The following RGS10 variants were observed in gnomAD, a reference collection of about 807,000 sequenced individuals.
The protein encoded by RGS10 is regulator of G-protein signalling 10.
Under a neutral mutation model 23.5 loss-of-function variants are expected in RGS10, and 11 were observed. That is an observed-to-expected ratio of 0.47 (90% CI 0.29 to 0.77). RGS10 has a LOEUF of 0.77. Among genes scored for constraint, RGS10 ranks in the 30% least tolerant of loss-of-function variants. The pLI is 0.08. For missense variants in RGS10, 180 were observed against 226.3 expected (o/e 0.80, Z 1.31); for synonymous variants, 77 against 83.2 (o/e 0.92, Z 0.41).
At chr10:119,507,242 C>T (rs1844024210) in intron 4 of RGS10, among the ~76,000 whole-genome samples, 1 of 152,138 alleles carries the variant, frequency 6.6e-6, no homozygotes, top group South Asian at 2.1e-4. Context: ...CATCCTAAGT[C>T]CCTGGCTCTG....
At position 119,524,749 on chromosome 10, in the gene RGS10, G is replaced by T. The variant is rs1350414603; in HGVS notation, c.255+1283C>A. Among the ~76,000 whole-genome samples the T allele has an allele frequency of 6.6e-6, 1 of 152,086 alleles. No homozygotes were observed. Among genetic ancestry groups the T allele is most frequent in the Non-Finnish European group, 1.5e-5 (1 of 68,024 alleles). ...AAAAAGCCAGAAAGCAAAATCCAAG[G>T]GTCCCGCCCAGTAACAGCTTTCGAG... On this transcript the variant is annotated intron_variant, in intron 3 of 4. Transcript: ENST00000369103. The surrounding 1 kb of genome is among the most constrained non-coding windows in gnomAD (Gnocchi z 5.2).
At chr10:119,525,520 C>T (rs566336595) in intron 3 of RGS10, among the ~76,000 whole-genome samples, 42 of 152,300 alleles carry the variant, frequency 2.8e-4, no homozygotes, top group African/African-American at 9.4e-4. Context: ...TCCCTCATAC[C>T]CAACCAGCTG....
intron 3 of RGS10, among the ~76,000 whole-genome samples, chr10:119,521,963 T>C (rs1043424362): frequency 6.6e-5 from 10 of 152,164 alleles, no homozygotes; most frequent in Admixed American, 6.5e-4. Context: ...TGTTTTGGGC[T>C]CTTCTCTCAT....
chr10:119,535,170 C>T (rs1844374479), intron 1 of RGS10, among the ~76,000 whole-genome samples: 1 of 151,160 alleles, frequency 6.6e-6, no homozygotes, highest in Middle Eastern at 3.4e-3. Flanking sequence ...ATCTGCTGAT[C>T]TTTATACTCA....
chr10:119,535,722 GT>G, intron 1 of RGS10, among the ~76,000 whole-genome samples: 1 of 152,222 alleles, frequency 6.6e-6, no homozygotes, highest in South Asian at 2.1e-4. Flanking sequence ...TCCTCAGAAG[GT>G]TTGTCCTAAG....
rs1844022400 is a variant in RGS10, at chr10:119,507,050, GC to G, written c.400-6792del. On this transcript the variant is annotated intron_variant, in intron 4 of 4. Coordinates refer to ENST00000369103, the MANE Select transcript of RGS10 (RefSeq NM_001005339.2). ...AACATCTCAAAGTATCTCGAATACTGCCCTTCCCATCCTGACCCTCGTGAGG... is the reference window on the plus strand; with the variant it reads ...AACATCTCAAAGTATCTCGAATACTGCCTTCCCATCCTGACCCTCGTGAGG... Among the ~76,000 whole-genome samples, 3 of 152,138 alleles carry G rather than the reference GC, an allele frequency of 2.0e-5. No individual in the cohort carries two copies. The South Asian group carries it at 6.2e-4, about 32-fold the overall frequency.
chr10:119,514,735 C>T (rs898519362), intron 4 of RGS10, among the ~76,000 whole-genome samples: 1 of 151,922 alleles, frequency 6.6e-6, no homozygotes, highest in East Asian at 1.9e-4. Context: ...CTGAGAATAC[C>T]TAGAGCACAG....
chr10:119,536,237 A>C (rs530545667), intron 1 of RGS10, among the ~76,000 whole-genome samples: 1 of 152,202 alleles, frequency 6.6e-6, no homozygotes, highest in East Asian at 1.9e-4. Flanking sequence ...CCAAGTCAGG[A>C]GCAGGAAAGC....
In RGS10 at chr10:119,524,095, G is replaced by A. The variant is rs12218416; in HGVS notation, c.255+1937C>T. Among the ~76,000 whole-genome samples the A allele has an allele frequency of 0.085, 12,937 of 152,044 alleles. 847 individuals carry two copies. Among genetic ancestry groups the A allele is most frequent in the African/African-American group, 0.18 (7,345 of 41,420 alleles). On this transcript the variant is annotated intron_variant, in intron 3 of 4. Transcript: ENST00000369103. This position sits in a 1 kb window ranked among gnomAD's most constrained non-coding sequence, Gnocchi z 5.2. Reference sequence around the variant, plus strand: ...AGCCACTTCCCCTGGATCCCTCCCCGTTGCCCACGCCTTGCTCCCACGACA... The same window carrying A: ...AGCCACTTCCCCTGGATCCCTCCCCATTGCCCACGCCTTGCTCCCACGACA...
intron 1 of RGS10, among the ~76,000 whole-genome samples, chr10:119,529,921 G>GT (rs1844315593): frequency 6.6e-6 from 1 of 152,036 alleles, no homozygotes; most frequent in Non-Finnish European, 1.5e-5. Context: ...GTGAAACCCT[G>GT]TCTCTACTAA....
intron 1 of RGS10, 58 bp downstream of exon 1, chr10:119,542,532 G>A (rs369252290): frequency 1.5e-6 from 2 of 1,346,850 alleles, no homozygotes; most frequent in Admixed American, 3.6e-5. Context: ...AGGGCAGGAG[G>A]CCGGGCGGGC....
chr10:119,518,763 G>C (rs1443656980), intron 3 of RGS10, among the ~76,000 whole-genome samples: 1 of 151,536 alleles, frequency 6.6e-6, no homozygotes, highest in South Asian at 2.1e-4. Context: ...GGAGTGCAGT[G>C]GCGCGATCTC....
At chr10:119,528,406 A>G (rs1844300410) in intron 1 of RGS10, among the ~76,000 whole-genome samples, 1 of 152,218 alleles carries the variant, frequency 6.6e-6, no homozygotes, top group Non-Finnish European at 1.5e-5. Flanking sequence ...CAAATTTTAA[A>G]TAAAGACAGG....
chr10:119,516,391 C>T (rs1556591), intron 3 of RGS10: 121,810 of 152,202 alleles, frequency 0.8, 48,994 homozygotes, highest in African/African-American at 0.86. Flanking sequence ...GGGCATTTTC[C>T]TGTTAGCCCC....
intron 4 of RGS10, among the ~76,000 whole-genome samples, chr10:119,512,828 GTGAGCGAC>G (rs1174157825): frequency 1.3e-5 from 2 of 152,206 alleles, no homozygotes; most frequent in African/African-American, 4.8e-5. Context: ...GTTTACAGGC[GTGAGCGAC>G]TGAGCCCAGC....
chr10:119,513,294 C>CA (rs1385177579), intron 4 of RGS10, among the ~76,000 whole-genome samples: 3 of 151,214 alleles, frequency 2.0e-5, no homozygotes, highest in Non-Finnish European at 4.4e-5. Flanking sequence ...TTCATCTCTA[C>CA]AAAAAAAATA....
chr10:119,537,708 A>T (rs576249341), intron 1 of RGS10, among the ~76,000 whole-genome samples: 3 of 152,356 alleles, frequency 2.0e-5, no homozygotes, highest in Admixed American at 2.0e-4. Flanking sequence ...GCCTGCCCAC[A>T]GTGCCACGGG....
At chr10:119,529,409 G>C (rs563399212) in intron 1 of RGS10, among the ~76,000 whole-genome samples, 1 of 152,088 alleles carries the variant, frequency 6.6e-6, no homozygotes, top group Non-Finnish European at 1.5e-5. Flanking sequence ...AGCCAAGATC[G>C]TGCCACTGCA....
At chr10:119,539,535 C>T (rs1032363752) in intron 1 of RGS10, among the ~76,000 whole-genome samples, 5 of 152,222 alleles carry the variant, frequency 3.3e-5, no homozygotes, top group East Asian at 1.9e-4. Context: ...GACAGAATCC[C>T]GTTGGGGGAC....
Sources: gnomAD v4.1 joint callset for allele counts (sites outside exome capture counted in the v4.1 genomes callset) on GRCh38, gnomAD v4.1.1 for gene constraint, Gnocchi (gnomAD v3.1) non-coding constraint, MANE v1.5 for transcripts, NCBI Gene and HGNC (gene_info 2026-07-23, HGNC 2026-07-21) for gene names.